Variants in IFI16 observed in about 807,000 individuals in gnomAD.
The protein encoded by IFI16 is interferon gamma inducible protein 16, also known as gamma-interferon-inducible protein 16.
Under a neutral mutation model 68.4 loss-of-function variants are expected in IFI16, and 49 were observed. The observed-to-expected ratio is 0.72, with a 90% CI of 0.57 to 0.91. IFI16 has a LOEUF of 0.91. Ranked by LOEUF, IFI16 falls within the 40% of genes least tolerant of loss-of-function variation. The pLI, the probability that IFI16 is intolerant of heterozygous loss-of-function variation, is 0.00. For synonymous variants in IFI16, 307 were observed against 315.0 expected (o/e 0.97, Z 0.27); for missense variants, 878 against 942.9 (o/e 0.93, Z 0.90).
intron 1 of IFI16, among the ~76,000 whole-genome samples, chr1:159,011,875 T>C (rs1652587711): frequency 6.6e-6 from 1 of 152,154 alleles, no homozygotes; most frequent in South Asian, 2.1e-4. Flanking sequence ...ATGCTGGTAA[T>C]TAACAATCTG....
chr1:159,053,126 C>T, intron 10 of IFI16: 3 of 155,874 alleles, frequency 1.9e-5, no homozygotes, highest in Admixed American at 1.3e-4. Context: ...TGAGGACGTG[C>T]AACATTCTTT....
chr1:159,014,026 CA>C (rs1652760888), intron 1 of IFI16, among the ~76,000 whole-genome samples: 1 of 152,156 alleles, frequency 6.6e-6, no homozygotes, highest in African/African-American at 2.4e-5. Context: ...AAAATCATTT[CA>C]GTGAATAAAT....
chr1:159,026,871 A>G lies in IFI16; in HGVS notation c.1162-5653A>G, dbSNP rs565630072. On this transcript the variant is annotated intron_variant, in intron 6 of 11. Coordinates refer to ENST00000295809, the MANE Select transcript of IFI16 (RefSeq NM_001376587.1). ...ACTGATTTTCATGCTTTAATTTTGT[A>G]TCCTGAAACTTTGCTTGAAACTTTG... 8.5e-5 allele frequency among the ~76,000 whole-genome samples: 13 copies of G among 152,258 alleles called. No individual in the cohort carries two copies. In the East Asian group the frequency reaches 2.3e-3, roughly 27 times the overall value.
At chr1:159,041,324 T>C (rs1365079842) in intron 7 of IFI16, among the ~76,000 whole-genome samples, 1 of 152,230 alleles carries the variant, frequency 6.6e-6, no homozygotes, top group Non-Finnish European at 1.5e-5. Context: ...GTGGAACCCC[T>C]GTGATTACGA....
chr1:159,022,186 GA>G (rs1353774219), intron 6 of IFI16, among the ~76,000 whole-genome samples: 1 of 151,846 alleles, frequency 6.6e-6, no homozygotes, highest in Non-Finnish European at 1.5e-5. Flanking sequence ...GGTTGGTCTC[GA>G]TTTCCTGACC....
intron 1 of IFI16, among the ~76,000 whole-genome samples, chr1:159,013,096 T>G (rs1652675506): frequency 6.6e-6 from 1 of 151,974 alleles, no homozygotes; most frequent in Non-Finnish European, 1.5e-5. Context: ...TGTTTTTGTA[T>G]AGATTTTCCC....
At chr1:159,020,003 C>T (rs1440696359) in intron 5 of IFI16, among the ~76,000 whole-genome samples, 2 of 152,246 alleles carry the variant, frequency 1.3e-5, no homozygotes, top group Non-Finnish European at 2.9e-5. Flanking sequence ...ATTCTTTTTG[C>T]ATGGGGCCAG....
At chr1:159,031,390 G>T (rs1287139073) in intron 6 of IFI16, among the ~76,000 whole-genome samples, 5 of 152,178 alleles carry the variant, frequency 3.3e-5, no homozygotes, top group Non-Finnish European at 5.9e-5. Context: ...CGAAACTTCA[G>T]CTGGAAGTTT....
Position 159,015,964 on chromosome 1 carries a change from GC to G in IFI16, c.359del (p.Ala120GlufsTer74), listed in dbSNP as rs763960881. On this transcript the variant is annotated frameshift_variant, in exon 3 of 12. Coordinates refer to ENST00000295809, the MANE Select transcript of IFI16 (RefSeq NM_001376587.1). LOFTEE classifies it high-confidence loss of function. ...AAGCAGCACTGTCAAAACTGAAGGA[GC>G]AGAGGCAACTCCTGGAGCTCAGGTA... The part of the protein sequence containing the change: ...STSSTVKTEG[A>X]EATPGAQKRK... The G allele has an allele frequency of 1.2e-6, 2 of 1,613,796 alleles. No homozygotes were observed. Among genetic ancestry groups the G allele is most frequent in the Non-Finnish European group, 1.7e-6 (2 of 1,179,694 alleles).
intron 7 of IFI16, among the ~76,000 whole-genome samples, chr1:159,040,305 ATTGC>A (rs1435768530): frequency 6.6e-6 from 1 of 152,216 alleles, no homozygotes; most frequent in Non-Finnish European, 1.5e-5. Flanking sequence ...TAAATATCAT[ATTGC>A]TTAAGAATAA....
chr1:159,020,700 G>A (rs941362702), intron 6 of IFI16, among the ~76,000 whole-genome samples, 171 bp downstream of exon 6: 1 of 151,740 alleles, frequency 6.6e-6, no homozygotes, highest in Non-Finnish European at 1.5e-5. Flanking sequence ...TTTCTGGATG[G>A]AATGATGTGA....
chr1:159,034,037 C>T (rs964646465), intron 7 of IFI16, among the ~76,000 whole-genome samples: 6 of 152,192 alleles, frequency 3.9e-5, no homozygotes, highest in South Asian at 2.1e-4. Context: ...AAATCACTTA[C>T]TTGGTAATGC....
At chr1:159,044,618 T>C (rs1439844530) in intron 7 of IFI16, among the ~76,000 whole-genome samples, 1 of 152,166 alleles carries the variant, frequency 6.6e-6, no homozygotes, top group Non-Finnish European at 1.5e-5. Flanking sequence ...TTGGTTTAAT[T>C]AAAAGTAGTC....
At chr1:159,029,700 G>A (rs1206773420) in intron 6 of IFI16, among the ~76,000 whole-genome samples, 2 of 131,498 alleles carry the variant, frequency 1.5e-5, no homozygotes, top group Non-Finnish European at 3.2e-5. Flanking sequence ...TTTTTTTTGA[G>A]ACACACTTTA....
chr1:159,020,275 C>G (rs1653221327), intron 5 of IFI16, 66 bp from the exon 6 acceptor site: 1 of 1,191,778 alleles, frequency 8.4e-7, no homozygotes, highest in Non-Finnish European at 1.2e-6. Flanking sequence ...TTAGAAGGGA[C>G]TTCAGCCTAT....
chr1:159,052,167 A>G (rs933646994), intron 10 of IFI16, 69 bp downstream of exon 10: 3 of 1,314,152 alleles, frequency 2.3e-6, no homozygotes, highest in Admixed American at 2.1e-5. Flanking sequence ...TAACTTGTCA[A>G]CTGGAGTTTG....
chr1:159,028,532 T>G (rs552150269), intron 6 of IFI16, among the ~76,000 whole-genome samples: 135 of 152,322 alleles, frequency 8.9e-4, no homozygotes, highest in African/African-American at 3.1e-3. Flanking sequence ...TAAGTCCATT[T>G]GTTGTAGGGT....
rs1232818629 is a variant in IFI16, at chr1:159,014,901, C to T, written c.221C>T (p.Thr74Met). The T allele has an allele frequency of 1.7e-5, 28 of 1,612,234 alleles. No individual in the cohort carries two copies. The highest frequency in any genetic ancestry group is 2.1e-5 in the Non-Finnish European group (25 of 1,179,496). The change falls in exon 2 of 12, where the codon ACG (threonine) becomes ATG (methionine). Residue 74 changes from threonine to methionine, a missense_variant. Physicochemically the swap from Thr to Met is moderately conservative, Grantham distance 81. Transcript: ENST00000295809. The part of the protein sequence containing the change: ...KLIKIFEDIP[T>M]LEDLAETLKK... ...ATAAAAATTTTCGAAGATATACCAACGCTTGAAGACCTGGCTGAAACTCTT... is the reference window on the plus strand; with the variant it reads ...ATAAAAATTTTCGAAGATATACCAATGCTTGAAGACCTGGCTGAAACTCTT...
At chr1:159,020,291 G>A (rs774737229) in intron 5 of IFI16, 50 bp from the exon 6 acceptor site, 2 of 1,383,558 alleles carry the variant, frequency 1.4e-6, no homozygotes, top group Non-Finnish European at 1.0e-6. Flanking sequence ...CCTATATGTG[G>A]TTGTTATTAA....
Sources: allele counts gnomAD v4.1 joint callset (sites outside exome capture counted in the v4.1 genomes callset), GRCh38; gene constraint gnomAD v4.1.1; transcripts MANE v1.5; gene names NCBI Gene and HGNC (gene_info 2026-07-23, HGNC 2026-07-21).